The following RGS7 variants were observed in gnomAD, a reference collection of about 807,000 sequenced individuals.
RGS7 encodes regulator of G-protein signaling 7.
In RGS7, 27 loss-of-function variants were observed where a neutral mutation model predicts 81.1. The observed-to-expected ratio is 0.33, with a 90% CI of 0.25 to 0.46. RGS7 has a LOEUF of 0.46. RGS7 is among the 20% of genes least tolerant of loss of function. The pLI is 1.00. For synonymous variants in RGS7, 208 were observed against 207.7 expected, an observed-to-expected ratio of 1.00 and a Z score of -0.01; for missense variants, 396 against 607.4, an observed-to-expected ratio of 0.65 and a Z score of 3.66.
intron 2 of RGS7, among the ~76,000 whole-genome samples, chr1:241,179,127 C>T (rs7516093): frequency 0.057 from 8,629 of 152,240 alleles, 339 homozygotes; most frequent in East Asian, 0.22. Context: ...CAGAGTCTCA[C>T]TCTGTGGCCC....
Position 240,810,605 on chromosome 1 carries a change from C to G in RGS7, c.1082+1313G>C, listed in dbSNP as rs1028756563. Among the ~76,000 whole-genome samples the G allele has an allele frequency of 1.1e-4, 16 of 151,878 alleles. 1 individual carries two copies. The highest frequency in any genetic ancestry group is 3.6e-4 in the African/African-American group (15 of 41,354). On this transcript the variant is annotated intron_variant, in intron 14 of 18. Transcript: ENST00000440928. ...GGCACTACAGGCATGTGCCACCATG[C>G]CCGGTTAATTTTAATTTTAATTTTT...
At chr1:241,132,008 T>C (rs181148084) in intron 2 of RGS7, among the ~76,000 whole-genome samples, 145 of 152,330 alleles carry the variant, frequency 9.5e-4, no homozygotes, top group African/African-American at 3.2e-3. Context: ...GAAAATGTGA[T>C]GGATTGTCCT....
At chr1:240,815,444 T>C (rs940453345) in intron 11 of RGS7, among the ~76,000 whole-genome samples, 1 of 152,168 alleles carries the variant, frequency 6.6e-6, no homozygotes, top group Non-Finnish European at 1.5e-5. Flanking sequence ...ATAAATGTAT[T>C]TATTACTATA....
intron 2 of RGS7, among the ~76,000 whole-genome samples, chr1:241,121,339 G>A (rs1265487367): frequency 6.6e-6 from 1 of 152,202 alleles, no homozygotes; most frequent in Non-Finnish European, 1.5e-5. Context: ...AATTTCAAGG[G>A]CTAAGGTTTA....
chr1:241,155,543 A>C, intron 2 of RGS7, among the ~76,000 whole-genome samples: 1 of 151,546 alleles, frequency 6.6e-6, no homozygotes, highest in Non-Finnish European at 1.5e-5. Context: ...CCTGAGAAGC[A>C]CATTGTTCAA....
chr1:241,353,016 A>G (rs1367467802), intron 2 of RGS7, among the ~76,000 whole-genome samples: 1 of 152,222 alleles, frequency 6.6e-6, no homozygotes. Context: ...TTCAGAACAC[A>G]CTTTCAAGAA....
In RGS7 at chr1:240,825,835, A is replaced by C. The variant is rs145083056; in HGVS notation, c.684+1263T>G. Among the ~76,000 whole-genome samples the C allele has an allele frequency of 8.4e-3, 1,282 of 152,222 alleles. 17 individuals carry two copies. The highest frequency in any genetic ancestry group is 0.028 in the African/African-American group (1,146 of 41,536). On this transcript the variant is annotated intron_variant, in intron 10 of 18. Transcript: ENST00000440928. ...TGCCGAAGAGAGAGTATAAATGATGACTTTATTGTGTCTAGGTGCTATCTT... is the reference window on the plus strand; with the variant it reads ...TGCCGAAGAGAGAGTATAAATGATGCCTTTATTGTGTCTAGGTGCTATCTT...
At chr1:241,233,802 T>A (rs1406934400) in intron 2 of RGS7, among the ~76,000 whole-genome samples, 1 of 26,454 alleles carries the variant, frequency 3.8e-5, no homozygotes, top group Non-Finnish European at 8.2e-5. Context: ...TTAGTTTAGT[T>A]TTTTTTTTTT....
intron 3 of RGS7, among the ~76,000 whole-genome samples, chr1:241,044,271 C>A (rs936488193): frequency 5.3e-5 from 8 of 151,860 alleles, no homozygotes; most frequent in African/African-American, 1.9e-4. Flanking sequence ...CACAACCACG[C>A]CCGCCTAATT....
intron 2 of RGS7, chr1:241,305,520 C>T (rs2080037820): frequency 6.7e-6 from 1 of 150,030 alleles, no homozygotes; most frequent in African/African-American, 2.5e-5. Flanking sequence ...ACAAACTACT[C>T]TTCCCATCTT....
At chr1:240,909,015 A>G (rs1671296794) in intron 6 of RGS7, among the ~76,000 whole-genome samples, 1 of 152,234 alleles carries the variant, frequency 6.6e-6, no homozygotes, top group South Asian at 2.1e-4. Context: ...ACTTTCCTAG[A>G]AAGTCTGCCT....
At chr1:241,183,295 C>T (rs950927162) in intron 2 of RGS7, among the ~76,000 whole-genome samples, 7 of 152,178 alleles carry the variant, frequency 4.6e-5, no homozygotes, top group African/African-American at 7.2e-5. Context: ...GATTTGGTTG[C>T]GTGCCTATCT....
chr1:241,312,549 C>G (rs1338494789), intron 2 of RGS7, among the ~76,000 whole-genome samples: 1 of 152,038 alleles, frequency 6.6e-6, no homozygotes, highest in Non-Finnish European at 1.5e-5. Context: ...TTTGATGTTA[C>G]TATTGTAATT....
In RGS7 at chr1:241,119,832, T is replaced by C. The variant is rs529218204; in HGVS notation, c.79-21070A>G. 5.3e-5 allele frequency among the ~76,000 whole-genome samples: 8 copies of C among 152,314 alleles called. No homozygotes were observed. In the South Asian group the frequency reaches 1.5e-3, roughly 28 times the overall value. Reference sequence around the variant, plus strand: ...CCTTGAAATGACGGTCTTATTTTTTTCCATTAAAAAAAGGTGTGCCAAATA... The same window carrying C: ...CCTTGAAATGACGGTCTTATTTTTTCCCATTAAAAAAAGGTGTGCCAAATA... On this transcript the variant is annotated intron_variant, in intron 2 of 18. Transcript: ENST00000440928.
At chr1:241,115,107 GA>G (rs2065800542) in intron 2 of RGS7, among the ~76,000 whole-genome samples, 4 of 152,164 alleles carry the variant, frequency 2.6e-5, no homozygotes, top group Admixed American at 2.6e-4. Flanking sequence ...GCCTTGTATA[GA>G]AAATGCTGTA....
At chr1:241,017,458 A>G (rs1006505034) in intron 3 of RGS7, among the ~76,000 whole-genome samples, 1 of 151,144 alleles carries the variant, frequency 6.6e-6, no homozygotes, top group Admixed American at 6.6e-5. Context: ...AAAAAAAAAA[A>G]GTGAGAAAAA....
chr1:241,050,890 T>C (rs1268896756), intron 3 of RGS7, among the ~76,000 whole-genome samples: 1 of 152,208 alleles, frequency 6.6e-6, no homozygotes, highest in Non-Finnish European at 1.5e-5. Context: ...ATCAAATGTT[T>C]ATATGATTGG....
intron 2 of RGS7, among the ~76,000 whole-genome samples, chr1:241,298,234 T>G (rs1469739927): frequency 1.3e-5 from 2 of 152,072 alleles, no homozygotes; most frequent in Non-Finnish European, 2.9e-5. Context: ...CCAGGATGGT[T>G]TTTTAAAAAA....
At chr1:241,348,250 A>G (rs6668091) in intron 2 of RGS7, among the ~76,000 whole-genome samples, 112,944 of 152,220 alleles carry the variant, frequency 0.74, 44,415 homozygotes, top group South Asian at 0.88. Flanking sequence ...ATCGCCATAG[A>G]GCATCAAATC....
Sources: gnomAD v4.1 joint callset for allele counts (sites outside exome capture counted in the v4.1 genomes callset) on GRCh38, gnomAD v4.1.1 for gene constraint, MANE v1.5 for transcripts, NCBI Gene and HGNC (gene_info 2026-07-23, HGNC 2026-07-21) for gene names.